TJP3: variants seen among roughly 807,000 people sequenced by gnomAD.
TJP3 encodes the protein tight junction protein 3, also known as tight junction protein ZO-3.
In TJP3, 85 loss-of-function variants were observed where a neutral mutation model predicts 104.2. The ratio of observed to expected loss-of-function variants is 0.82; its 90% CI spans 0.68 to 0.98. The LOEUF is 0.98. Ranked by LOEUF, TJP3 falls within the 50% of genes least tolerant of loss-of-function variation. The probability of loss-of-function intolerance (pLI) is 0.00; values close to 1 mark genes in which losing one functional copy is unlikely to be tolerated. For missense variants in TJP3, 1,367 were observed against 1,322.8 expected (o/e 1.03, Z -0.52); for synonymous variants, 550 against 550.6 (o/e 1.00, Z 0.02).
chr19:3,727,443 A>G (rs1371960914), intron 1 of TJP3, among the ~76,000 whole-genome samples: 1 of 148,248 alleles, frequency 6.7e-6, no homozygotes, highest in Non-Finnish European at 1.5e-5. Context: ...AGATCACGCC[A>G]TTGCACTCCA....
chr19:3,742,015 CAGA>C (rs377387556), intron 14 of TJP3, among the ~76,000 whole-genome samples: 620 of 152,142 alleles, frequency 4.1e-3, no homozygotes, highest in Middle Eastern at 0.01. Context: ...TTTTAGGGGA[CAGA>C]AGGACAGGAA....
intron 1 of TJP3, among the ~76,000 whole-genome samples, chr19:3,711,834 G>A (rs112089485): frequency 0.01 from 1,517 of 151,278 alleles, 25 homozygotes; most frequent in African/African-American, 0.034. Context: ...GAATTAATTT[G>A]TTTCCTTTCT....
chr19:3,741,030 T>A (rs2036809146), intron 14 of TJP3, among the ~76,000 whole-genome samples: 1 of 151,902 alleles, frequency 6.6e-6, no homozygotes, highest in Non-Finnish European at 1.5e-5. Context: ...TTAGACAGAG[T>A]CTTGCTCTGT....
chr19:3,735,564 AG>A lies in TJP3; in HGVS notation c.988del, dbSNP rs2145689672. 1 of 1,614,158 alleles carries A rather than the reference AG, an allele frequency of 6.2e-7. No homozygotes were observed. Among genetic ancestry groups the A allele is most frequent in the East Asian group, 2.2e-5 (1 of 44,880 alleles). On this transcript the variant is annotated splice_acceptor_variant, in intron 8 of 20. Transcript: ENST00000541714. LOFTEE classifies it high-confidence loss of function. ...CCTCACTCCCAATCTGTTCCCCACC[AG>A]GGAGAGTCCCCGGCTTCGGCGGGAA...
Position 3,746,228 on chromosome 19 carries a change from G to A in TJP3, c.2010+147G>A. The A allele has an allele frequency of 2.2e-6, 2 of 891,442 alleles. No individual in the cohort carries two copies. Among genetic ancestry groups the A allele is most frequent in the South Asian group, 1.6e-5 (1 of 60,686 alleles). The allele number at this position is 891,442 out of a possible 1,614,324, so 55.2% of individuals were successfully genotyped here. On this transcript the variant is annotated intron_variant, in intron 16 of 20. Transcript: ENST00000541714. This position sits in a 1 kb window ranked among gnomAD's most constrained non-coding sequence, Gnocchi z 4.1. ...CCCTTTTGGAGGCTTTGTGAGGCAG[G>A]AGGCCCGAGACAGACAAGGGCTTCT... is the stretch of plus-strand genomic sequence containing the variant.
chr19:3,748,302 T>C lies in TJP3; in HGVS notation c.2610+221T>C, dbSNP rs1418924599. On this transcript the variant is annotated intron_variant, in intron 19 of 20. Transcript: ENST00000541714. ...TTTTTTTTTTTTTGAGACGCAGTCT[T>C]GCTCTGTCGCCTAGGCTGGAGTGCA... Among the ~76,000 whole-genome samples, 5 of 149,364 alleles carry C rather than the reference T, an allele frequency of 3.3e-5. No homozygotes were observed. The East Asian group carries it at 9.8e-4, about 29-fold the overall frequency.
intron 1 of TJP3, among the ~76,000 whole-genome samples, chr19:3,709,555 G>C (rs746426289): frequency 6.6e-6 from 1 of 152,166 alleles, no homozygotes; most frequent in Non-Finnish European, 1.5e-5. Context: ...GAGCTTCCTC[G>C]TGAGCCAAGT....
At position 3,746,336 on chromosome 19, in the gene TJP3, C is replaced by A; in HGVS notation, c.2011-149C>A. On this transcript the variant is annotated intron_variant, in intron 16 of 20. Coordinates refer to ENST00000541714, the MANE Select transcript of TJP3 (RefSeq NM_001267560.2). This position sits in a 1 kb window ranked among gnomAD's most constrained non-coding sequence, Gnocchi z 4.1. ...GATGCCCAAGATGCTGCGACCTGGG[C>A]TGTTACCACCCCCATCCCCAACTTG... 3 of 877,424 alleles carry A rather than the reference C, an allele frequency of 3.4e-6. No homozygotes were observed. Among genetic ancestry groups the A allele is most frequent in the South Asian group, 1.7e-5 (1 of 58,480 alleles). 54.4% of individuals were successfully genotyped at this position (877,424 alleles called of 1,614,324 possible).
chr19:3,708,842 G>A (rs1382689632), intron 1 of TJP3, among the ~76,000 whole-genome samples: 2 of 152,150 alleles, frequency 1.3e-5, no homozygotes, highest in South Asian at 2.1e-4. Flanking sequence ...CCGGGGAGGC[G>A]GCAAAGGGGC....
chr19:3,745,729 G>T (rs1437446080), intron 15 of TJP3, among the ~76,000 whole-genome samples: 1 of 152,172 alleles, frequency 6.6e-6, no homozygotes, highest in African/African-American at 2.4e-5. Context: ...CTGCAACCCT[G>T]AGCAAGTGGC....
chr19:3,726,427 C>T (rs949068730), intron 1 of TJP3, among the ~76,000 whole-genome samples: 11 of 151,938 alleles, frequency 7.2e-5, no homozygotes, highest in Admixed American at 2.0e-4. Flanking sequence ...GTGAGACCCC[C>T]GTCTCTATTA....
intron 5 of TJP3, 29 bp from the exon 6 acceptor site, chr19:3,731,906 G>C: frequency 6.2e-7 from 1 of 1,600,940 alleles, no homozygotes; most frequent in Non-Finnish European, 8.5e-7. Context: ...CCAGAGTCCT[G>C]CCTCAGTTTC....
intron 7 of TJP3, among the ~76,000 whole-genome samples, 157 bp downstream of exon 7, chr19:3,734,069 G>C (rs950875929): frequency 6.6e-6 from 1 of 152,178 alleles, no homozygotes; most frequent in Admixed American, 6.5e-5. Context: ...CAAGAGTTCA[G>C]GGGGGCGATC....
At position 3,746,922 on chromosome 19, in the gene TJP3, G is replaced by C; in HGVS notation, c.2322+46G>C. ...GGTCGGGCAGGGAGGCCCCACAGAC[G>C]CTGTGCAGGCCCAGCTGGGGTTTGG... On this transcript the variant is annotated intron_variant, in intron 18 of 20. Transcript: ENST00000541714. This position sits in a 1 kb window ranked among gnomAD's most constrained non-coding sequence, Gnocchi z 4.1. 1 of 1,532,594 alleles carries C rather than the reference G, an allele frequency of 6.5e-7. No individual in the cohort carries two copies. Among genetic ancestry groups the C allele is most frequent in the Non-Finnish European group, 8.9e-7 (1 of 1,128,686 alleles). The allele number at this position is 1,532,594 out of a possible 1,614,324, so 94.9% of individuals were successfully genotyped here.
chr19:3,746,367 C>T lies in TJP3; in HGVS notation c.2011-118C>T. 1 of 1,153,048 alleles carries T rather than the reference C, an allele frequency of 8.7e-7. No homozygotes were observed. The highest frequency in any genetic ancestry group is 1.5e-5 in the South Asian group (1 of 67,264). The allele number at this position is 1,153,048 out of a possible 1,614,324, so 71.4% of individuals were successfully genotyped here. A position where few individuals can be genotyped will look rare whatever the true frequency, so the allele number is the denominator to read the frequency against. On this transcript the variant is annotated intron_variant, in intron 16 of 20. Transcript: ENST00000541714. This position sits in a 1 kb window ranked among gnomAD's most constrained non-coding sequence, Gnocchi z 4.1. The stretch of plus-strand genomic sequence containing the variant: ...CCACCCCCATCCCCAACTTGCTAGC[C>T]TGTGGATGTGAGAGGCTGGGGTCCA...
At position 3,739,089 on chromosome 19, in the gene TJP3, G is replaced by A. The variant is rs1454154859; in HGVS notation, c.1586G>A (p.Arg529His). 6 of 1,592,412 alleles carry A rather than the reference G, an allele frequency of 3.8e-6. No homozygotes were observed. The highest frequency in any genetic ancestry group is 2.3e-5 in the East Asian group (1 of 44,426). Residue 529 changes from arginine (R) to histidine (H), a missense_variant, in exon 13 of 21, where the codon CGT becomes CAT. Coordinates refer to ENST00000541714, the MANE Select transcript of TJP3 (RefSeq NM_001267560.2). ...GGHWLAVRMG[R>H]DLREQERGII... ...CACTGGCTGGCGGTGCGCATGGGTC[G>A]TGACCTGCGGGAGCAAGAGCGGGGC... is the stretch of plus-strand genomic sequence containing the variant.
At position 3,720,834 on chromosome 19, in the gene TJP3, C is replaced by T. The variant is rs150500858; in HGVS notation, c.-9-7590C>T. Reference sequence around the variant, plus strand: ...CCAGAGCCTGAAGAATTTCCTCCTGCCTTGCACTCTGCCCCTTTCTTTTCC... The same window carrying T: ...CCAGAGCCTGAAGAATTTCCTCCTGTCTTGCACTCTGCCCCTTTCTTTTCC... On this transcript the variant is annotated intron_variant, in intron 1 of 20. Coordinates refer to ENST00000541714, the MANE Select transcript of TJP3 (RefSeq NM_001267560.2). Among the ~76,000 whole-genome samples the T allele has an allele frequency of 4.2e-3, 639 of 151,874 alleles. 3 individuals are homozygous for T. Among genetic ancestry groups the T allele is most frequent in the African/African-American group, 0.014 (565 of 41,428 alleles).
At chr19:3,737,812 C>T (rs1241737375) in intron 11 of TJP3, among the ~76,000 whole-genome samples, 1 of 152,194 alleles carries the variant, frequency 6.6e-6, no homozygotes, top group Non-Finnish European at 1.5e-5. Context: ...GGGATTCTAA[C>T]CTTGACATCC....
rs763272996 is a variant in TJP3 at position 3,746,606 on chromosome 19, A to G, written c.2132A>G (p.Gln711Arg). 1.9e-6 allele frequency: 3 copies of G among 1,611,864 alleles called. No homozygotes were observed. Among genetic ancestry groups the G allele is most frequent in the Admixed American group, 1.7e-5 (1 of 59,916 alleles). ...CGGCCGGCCCTCAAGGCACTGCGCC[A>G]GTGGCTGGCGCCTGCCTCCCGCCGC... Reference protein sequence around the residue: ...ESRPALKALRQWLAPASRRST... With the variant: ...ESRPALKALRRWLAPASRRST... The change falls in exon 17 of 21, where the codon CAG (glutamine) becomes CGG (arginine). Residue 711 changes from glutamine (Q) to arginine (R), a missense_variant. Coordinates refer to ENST00000541714, the MANE Select transcript of TJP3 (RefSeq NM_001267560.2). This position sits in a 1 kb window ranked among gnomAD's most constrained non-coding sequence, Gnocchi z 4.1.
Sources: gnomAD v4.1 joint callset for allele counts (sites outside exome capture counted in the v4.1 genomes callset) on GRCh38, gnomAD v4.1.1 for gene constraint, Gnocchi (gnomAD v3.1) non-coding constraint, MANE v1.5 for transcripts, NCBI Gene and HGNC (gene_info 2026-07-23, HGNC 2026-07-21) for gene names.